ANO3: variants seen among roughly 807,000 people sequenced by gnomAD.
ANO3 encodes anoctamin 3.
ANO3 carries 99 observed loss-of-function variants against 144.8 expected under a neutral mutation model. That is an observed-to-expected ratio of 0.68 (90% CI 0.58 to 0.81). The LOEUF is 0.81. Ranked by LOEUF, ANO3 falls within the 30% of genes least tolerant of loss-of-function variation. The pLI is 0.00. For missense variants in ANO3, 905 were observed against 1,202.2 expected (o/e 0.75, Z 3.66); for synonymous variants, 414 against 392.6 (o/e 1.05, Z -0.64).
intron 14 of ANO3, among the ~76,000 whole-genome samples, chr11:26,586,071 T>C (rs1435078422): frequency 1.3e-5 from 2 of 152,220 alleles, no homozygotes; most frequent in Admixed American, 6.5e-5. Flanking sequence ...ACTGCTCTTC[T>C]ACCTCTTCCA....
intron 18 of ANO3, among the ~76,000 whole-genome samples, chr11:26,632,512 T>A (rs1170976786): frequency 2.1e-5 from 3 of 145,386 alleles, no homozygotes; most frequent in Non-Finnish European, 4.5e-5. Flanking sequence ...TGAGACTCCA[T>A]CTCAAGAAAA....
rs148812615 is a variant in ANO3, at chr11:26,250,612, G to A, written c.155-59033G>A. Among the ~76,000 whole-genome samples, 335 of 152,300 alleles carry A rather than the reference G, an allele frequency of 2.2e-3. 2 individuals are homozygous for A. Among genetic ancestry groups the A allele is most frequent in the African/African-American group, 7.1e-3 (297 of 41,572 alleles). ...CCATCTGAAAGATAGGCTTAAGGTA[G>A]TGAGTTGGTAATCAGGAGAACTAAA... On this transcript the variant is annotated intron_variant, in intron 1 of 27. Coordinates refer to the ANO3 transcript ENST00000672621.
chr11:26,234,279 T>C (rs1852466694), intron 1 of ANO3, among the ~76,000 whole-genome samples: 1 of 152,222 alleles, frequency 6.6e-6, no homozygotes. Flanking sequence ...TTTTTTCATA[T>C]TCTTAAACTA....
intron 1 of ANO3, among the ~76,000 whole-genome samples, chr11:26,377,064 A>G (rs1426277959): frequency 6.6e-6 from 1 of 152,170 alleles, no homozygotes; most frequent in African/African-American, 2.4e-5. Flanking sequence ...ATGCATTTAT[A>G]GTAGCCATTG....
At chr11:26,551,908 T>C (rs1356133827) in intron 12 of ANO3, among the ~76,000 whole-genome samples, 1 of 152,032 alleles carries the variant, frequency 6.6e-6, no homozygotes, top group African/African-American at 2.4e-5. Flanking sequence ...AGCTATAGTA[T>C]ATGTAAGACC....
intron 1 of ANO3, among the ~76,000 whole-genome samples, chr11:26,431,478 G>A (rs912765124): frequency 1.3e-5 from 2 of 152,198 alleles, no homozygotes; most frequent in Non-Finnish European, 2.9e-5. Flanking sequence ...CGTGCCACAG[G>A]TTTGTTGTAC....
intron 4 of ANO3, among the ~76,000 whole-genome samples, chr11:26,476,988 ATTTTG>A (rs377359025): frequency 2.2e-3 from 330 of 151,558 alleles, no homozygotes; most frequent in African/African-American, 7.6e-3. Flanking sequence ...TGATTTTTAA[ATTTTG>A]TTTTGTTTCC....
chr11:26,373,684 A>G (rs886201304), intron 1 of ANO3, among the ~76,000 whole-genome samples: 7 of 152,186 alleles, frequency 4.6e-5, no homozygotes, highest in African/African-American at 9.6e-5. Flanking sequence ...AATCTAGAAA[A>G]TGAAACATAA....
chr11:26,301,519 C>T (rs893777854), intron 1 of ANO3, among the ~76,000 whole-genome samples: 2 of 152,154 alleles, frequency 1.3e-5, no homozygotes, highest in Non-Finnish European at 2.9e-5. Context: ...TGCAGCTACA[C>T]ATAATTCAAG....
intron 1 of ANO3, among the ~76,000 whole-genome samples, chr11:26,398,425 A>G (rs1857070698): frequency 6.6e-6 from 1 of 152,142 alleles, no homozygotes; most frequent in Non-Finnish European, 1.5e-5. Flanking sequence ...TATTTCACAT[A>G]TATGTGCAAT....
intron 1 of ANO3, among the ~76,000 whole-genome samples, chr11:26,396,417 C>T (rs754957511): frequency 4.6e-5 from 7 of 152,128 alleles, no homozygotes; most frequent in Non-Finnish European, 1.0e-4. Context: ...CCAGAAATAA[C>T]ATTTGACCCA....
At chr11:26,399,088 G>A (rs932176766) in intron 1 of ANO3, among the ~76,000 whole-genome samples, 2 of 151,878 alleles carry the variant, frequency 1.3e-5, no homozygotes, top group African/African-American at 4.8e-5. Flanking sequence ...CAGATACTCT[G>A]TTACCTGGCA....
At chr11:26,370,557 A>C (rs2133937492) in intron 1 of ANO3, among the ~76,000 whole-genome samples, 1 of 152,292 alleles carries the variant, frequency 6.6e-6, no homozygotes, top group South Asian at 2.1e-4. Context: ...GAGGGCTCAG[A>C]AGAAAACAGG....
chr11:26,409,114 A>T (rs1857368176), intron 1 of ANO3, among the ~76,000 whole-genome samples: 1 of 105,258 alleles, frequency 9.5e-6, no homozygotes, highest in East Asian at 3.2e-4. Flanking sequence ...GTACCCTAAA[A>T]CTTTAAGTAC....
intron 4 of ANO3, among the ~76,000 whole-genome samples, chr11:26,491,038 C>G (rs1399113871): frequency 6.6e-6 from 1 of 152,188 alleles, no homozygotes; most frequent in Non-Finnish European, 1.5e-5. Context: ...TTAAACTCAT[C>G]TGTTGTGAAT....
intron 1 of ANO3, among the ~76,000 whole-genome samples, chr11:26,415,637 A>C (rs562380002): frequency 2.9e-4 from 44 of 152,046 alleles, no homozygotes; most frequent in Non-Finnish European, 5.7e-4. Context: ...TTTTTAAAGA[A>C]TAGGAAATAA....
At chr11:26,494,866 G>A (rs369368782) in intron 4 of ANO3, among the ~76,000 whole-genome samples, 3 of 152,136 alleles carry the variant, frequency 2.0e-5, no homozygotes, top group East Asian at 1.9e-4. Context: ...ATGTATGTCT[G>A]TGTGGTTTTC....
chr11:26,646,181 T>C (rs1241422727), intron 23 of ANO3, among the ~76,000 whole-genome samples: 2 of 152,120 alleles, frequency 1.3e-5, no homozygotes, highest in Non-Finnish European at 2.9e-5. Flanking sequence ...TTCTGCATTG[T>C]TTTTTCTTCA....
intron 14 of ANO3, among the ~76,000 whole-genome samples, chr11:26,597,905 TC>T (rs1851683040): frequency 6.6e-6 from 1 of 152,228 alleles, no homozygotes; most frequent in African/African-American, 2.4e-5. Context: ...TCTTCTCTTG[TC>T]TTTCTTTTCT....
Sources: allele counts gnomAD v4.1 joint callset (sites outside exome capture counted in the v4.1 genomes callset), GRCh38; gene constraint gnomAD v4.1.1; transcripts MANE v1.5; gene names NCBI Gene and HGNC (gene_info 2026-07-23, HGNC 2026-07-21).